The following BNC2 variants were observed in gnomAD, a reference collection of about 807,000 sequenced individuals.
BNC2 encodes the protein zinc finger protein basonuclin-2.
A neutral mutation model predicts 76.3 loss-of-function variants in BNC2; 20 were observed. The ratio of observed to expected loss-of-function variants is 0.26; its 90% CI spans 0.18 to 0.38. BNC2 has a LOEUF of 0.38. BNC2 is among the 10% of genes least tolerant of loss of function. The pLI is 1.00. For synonymous variants in BNC2, 582 were observed against 514.8 expected, an observed-to-expected ratio of 1.13 and a Z score of -1.77; for missense variants, 1,382 against 1,399.8, an observed-to-expected ratio of 0.99 and a Z score of 0.20.
intron 1 of BNC2, among the ~76,000 whole-genome samples, chr9:16,838,113 C>G (rs780641825): frequency 7.9e-5 from 12 of 152,178 alleles, no homozygotes; most frequent in Non-Finnish European, 1.8e-4. Context: ...GTATTTAGGT[C>G]TACTTAAATA....
At chr9:16,805,267 A>G (rs1817878534) in intron 1 of BNC2, among the ~76,000 whole-genome samples, 1 of 152,184 alleles carries the variant, frequency 6.6e-6, no homozygotes, top group Admixed American at 6.5e-5. Flanking sequence ...TTCTATGTGA[A>G]TGTAGCCAAA....
intron 3 of BNC2, among the ~76,000 whole-genome samples, chr9:16,683,152 G>A (rs1365464358): frequency 6.6e-6 from 1 of 152,192 alleles, no homozygotes; most frequent in African/African-American, 2.4e-5. Flanking sequence ...AAGGTTGACA[G>A]TCATTCAAAA....
intron 1 of BNC2, among the ~76,000 whole-genome samples, chr9:16,768,387 G>A (rs1464710589): frequency 1.3e-5 from 2 of 152,146 alleles, no homozygotes; most frequent in African/African-American, 4.8e-5. Flanking sequence ...TCAGAAGATG[G>A]TGAGAAAACG....
chr9:16,472,606 T>C (rs908213175), intron 5 of BNC2, among the ~76,000 whole-genome samples: 12 of 152,192 alleles, frequency 7.9e-5, no homozygotes, highest in Middle Eastern at 3.2e-3. Flanking sequence ...CCTTCAAACA[T>C]AGTGAAACTT....
intron 3 of BNC2, among the ~76,000 whole-genome samples, chr9:16,673,643 A>G (rs1196013453): frequency 1.3e-5 from 2 of 152,212 alleles, no homozygotes; most frequent in African/African-American, 4.8e-5. Flanking sequence ...AGCCAGGTTT[A>G]TACAGAATAG....
intron 1 of BNC2, among the ~76,000 whole-genome samples, chr9:16,810,763 A>G (rs1668483184): frequency 6.6e-6 from 1 of 152,234 alleles, no homozygotes. Context: ...AAAAGCCGCT[A>G]GCCAGATACC....
chr9:16,574,801 T>C (rs1476402668), intron 4 of BNC2, among the ~76,000 whole-genome samples: 2 of 152,256 alleles, frequency 1.3e-5, no homozygotes, highest in African/African-American at 4.8e-5. Context: ...CTCTTTCATG[T>C]AATCCTCTCT....
At position 16,437,449 on chromosome 9, in the gene BNC2, G is replaced by A. The variant is rs1399650921; in HGVS notation, c.745C>T (p.Leu249=). ...ATGGATTTGGTTTCTCCAAACCGCA[G>A]AAACTGCTGAAGGGTGATGATTTCC... ...EEEIITLQQF[L]RFGETKSIVE... Residue 249 remains leucine (L), a synonymous_variant, in exon 6 of 7, where the codon CTG becomes TTG. Transcript: ENST00000380672. 2.5e-6 allele frequency: 4 copies of A among 1,613,100 alleles called. No individual in the cohort carries two copies. Among genetic ancestry groups the A allele is most frequent in the Non-Finnish European group, 3.4e-6 (4 of 1,179,528 alleles).
At chr9:16,423,757 T>C (rs1042791149) in intron 6 of BNC2, among the ~76,000 whole-genome samples, 15 of 152,200 alleles carry the variant, frequency 9.9e-5, no homozygotes, top group Non-Finnish European at 1.2e-4. Context: ...TAGTATGTTA[T>C]AAGGGAATGC....
chr9:16,808,267 T>C (rs56247653), intron 1 of BNC2, among the ~76,000 whole-genome samples: 10 of 152,120 alleles, frequency 6.6e-5, no homozygotes, highest in Non-Finnish European at 1.2e-4. Flanking sequence ...TTAGGCTAAT[T>C]ACCCACCATT....
intron 5 of BNC2, among the ~76,000 whole-genome samples, chr9:16,447,587 T>A (rs1821255218): frequency 6.6e-6 from 1 of 152,136 alleles, no homozygotes; most frequent in Non-Finnish European, 1.5e-5. Context: ...GATGTTTCTG[T>A]CTGGTGCTGC....
At chr9:16,834,022 T>G (rs73649046) in intron 1 of BNC2, among the ~76,000 whole-genome samples, 2,857 of 152,272 alleles carry the variant, frequency 0.019, 88 homozygotes, top group African/African-American at 0.066. Context: ...CCTAGTTAAT[T>G]TCTCTGCATC....
intron 3 of BNC2, among the ~76,000 whole-genome samples, chr9:16,723,566 A>G (rs567700112): frequency 6.6e-6 from 1 of 152,196 alleles, no homozygotes. Flanking sequence ...TTGTTGGCCT[A>G]TATGAATAGA....
chr9:16,722,328 T>C (rs1047033930), intron 3 of BNC2, among the ~76,000 whole-genome samples: 5 of 152,232 alleles, frequency 3.3e-5, no homozygotes, highest in Admixed American at 2.0e-4. Context: ...GCCGTGGCTC[T>C]TAACCCTGAC....
At chr9:16,504,419 C>G (rs943863846) in intron 5 of BNC2, among the ~76,000 whole-genome samples, 43 of 152,058 alleles carry the variant, frequency 2.8e-4, no homozygotes, top group African/African-American at 8.2e-4. Flanking sequence ...CCAAATGATA[C>G]AAGATGCTTC....
At chr9:16,710,500 G>C (rs1255617883) in intron 3 of BNC2, among the ~76,000 whole-genome samples, 1 of 152,170 alleles carries the variant, frequency 6.6e-6, no homozygotes. Context: ...TGACCACAGA[G>C]TACACTATTT....
chr9:16,529,072 G>C (rs1587136193), intron 5 of BNC2, among the ~76,000 whole-genome samples: 2 of 152,288 alleles, frequency 1.3e-5, no homozygotes, highest in African/African-American at 4.8e-5. Context: ...CTTTGCATAT[G>C]TCTTCTGCTC....
At chr9:16,853,575 T>G (rs1321071987) in intron 1 of BNC2, among the ~76,000 whole-genome samples, 1 of 152,094 alleles carries the variant, frequency 6.6e-6, no homozygotes, top group Non-Finnish European at 1.5e-5. Context: ...TTTTCAAATT[T>G]AAAATTTGCA....
intron 3 of BNC2, 119 bp from the exon 4 acceptor site, chr9:16,583,204 G>A: frequency 2.5e-6 from 2 of 814,746 alleles, no homozygotes; most frequent in Non-Finnish European, 2.0e-6. Flanking sequence ...GTAGGGGCCT[G>A]GAGAGTTTTA....
Sources: allele counts gnomAD v4.1 joint callset (sites outside exome capture counted in the v4.1 genomes callset), GRCh38; gene constraint gnomAD v4.1.1; transcripts MANE v1.5; gene names NCBI Gene and HGNC (gene_info 2026-07-23, HGNC 2026-07-21).